Variants in FRMPD1 observed in about 807,000 individuals in gnomAD.
The protein encoded by FRMPD1 is FERM and PDZ domain containing 1.
In FRMPD1, 76 loss-of-function variants were observed where a neutral mutation model predicts 117.8. The ratio of observed to expected loss-of-function variants is 0.65; its 90% CI spans 0.54 to 0.78. The LOEUF is 0.78. FRMPD1 is among the 30% of genes least tolerant of loss of function. FRMPD1 has a pLI of 0.00. For synonymous variants in FRMPD1, 783 were observed against 770.4 expected (o/e 1.02, Z -0.27); for missense variants, 1,786 against 1,964.5 (o/e 0.91, Z 1.72).
the FRMPD1 span, among the ~76,000 whole-genome samples, chr9:37,611,738 T>C: frequency 1.3e-5 from 2 of 152,246 alleles, no homozygotes; most frequent in African/African-American, 4.8e-5. Context: ...GGTTTATATG[T>C]TTAAGATGCT....
At chr9:37,616,117 C>A in the FRMPD1 span, among the ~76,000 whole-genome samples, 8 of 96,766 alleles carry the variant, frequency 8.3e-5, no homozygotes, top group South Asian at 4.2e-4. Flanking sequence ...GTGCCCAGCC[C>A]TTTTTTTTTT....
intron 15 of FRMPD1, among the ~76,000 whole-genome samples, chr9:37,741,816 G>A (rs1180182664): frequency 8.5e-5 from 13 of 152,130 alleles, no homozygotes; most frequent in African/African-American, 3.1e-4. Flanking sequence ...TGCACATGCT[G>A]CTCTTTCTGA....
At position 37,729,694 on chromosome 9, in the gene FRMPD1, T is replaced by G. The variant is rs1190921739; in HGVS notation, c.613-34T>G. The G allele has an allele frequency of 2.5e-6, 4 of 1,609,714 alleles. No homozygotes were observed. In the African/African-American group the frequency reaches 5.3e-5, roughly 21 times the overall value. On this transcript the variant is annotated intron_variant, in intron 7 of 15. Coordinates refer to ENST00000377765, the MANE Select transcript of FRMPD1 (RefSeq NM_014907.3). Reference sequence around the variant, plus strand: ...AGGCCAGGGAAGTCCTTCCTGTTTCTTGCGTAACTCCTGCACCTCTCTGTG... The same window carrying G: ...AGGCCAGGGAAGTCCTTCCTGTTTCGTGCGTAACTCCTGCACCTCTCTGTG...
chr9:37,615,193 A>C, the FRMPD1 span, among the ~76,000 whole-genome samples: 1 of 151,748 alleles, frequency 6.6e-6, no homozygotes, highest in African/African-American at 2.4e-5. Context: ...GCTCTCTGCA[A>C]CCTCCACTTC....
chr9:37,720,044 G>T (rs1259161103), intron 6 of FRMPD1, among the ~76,000 whole-genome samples: 1 of 152,084 alleles, frequency 6.6e-6, no homozygotes, highest in African/African-American at 2.4e-5. Flanking sequence ...GGAGTCACAG[G>T]GGGTGGGGGC....
chr9:37,686,008 T>A (rs768501518), intron 1 of FRMPD1, among the ~76,000 whole-genome samples: 3 of 152,236 alleles, frequency 2.0e-5, no homozygotes, highest in Non-Finnish European at 4.4e-5. Flanking sequence ...TATTTAGTCT[T>A]CTCCATTTAC....
At chr9:37,622,265 T>C in the FRMPD1 span, among the ~76,000 whole-genome samples, 1 of 152,176 alleles carries the variant, frequency 6.6e-6, no homozygotes, top group African/African-American at 2.4e-5. Flanking sequence ...TGTTATAAAC[T>C]ATTAGGTGCT....
chr9:37,652,912 A>G (rs184850567), intron 1 of FRMPD1, among the ~76,000 whole-genome samples: 14 of 152,240 alleles, frequency 9.2e-5, no homozygotes, highest in Admixed American at 8.5e-4. Context: ...CCAAGTGGAG[A>G]TATTGGAGAA....
the FRMPD1 span, among the ~76,000 whole-genome samples, chr9:37,641,798 G>C: frequency 6.6e-6 from 1 of 152,216 alleles, no homozygotes; most frequent in African/African-American, 2.4e-5. Flanking sequence ...GTCCAGGCTA[G>C]TCTAGTGCCT....
chr9:37,629,818 AT>A, the FRMPD1 span, among the ~76,000 whole-genome samples: 1 of 152,196 alleles, frequency 6.6e-6, no homozygotes, highest in Admixed American at 6.5e-5. Flanking sequence ...TGAGGCATGC[AT>A]TAAGCAACTT....
intron 1 of FRMPD1, among the ~76,000 whole-genome samples, chr9:37,659,108 C>T (rs537833815): frequency 6.6e-6 from 1 of 152,274 alleles, no homozygotes; most frequent in African/African-American, 2.4e-5. Flanking sequence ...TTAAGCAGTC[C>T]TCCTGTCCCA....
chr9:37,608,933 C>A, the FRMPD1 span, among the ~76,000 whole-genome samples: 10 of 152,184 alleles, frequency 6.6e-5, no homozygotes, highest in Non-Finnish European at 1.0e-4. Flanking sequence ...TACAGTCCAA[C>A]CGTGCTCCTG....
the FRMPD1 span, among the ~76,000 whole-genome samples, chr9:37,640,648 G>A: frequency 6.6e-6 from 1 of 150,796 alleles, no homozygotes; most frequent in Non-Finnish European, 1.5e-5. Context: ...TTTAAGACAG[G>A]AAGGCTGTGA....
intron 2 of FRMPD1, among the ~76,000 whole-genome samples, chr9:37,705,154 A>G (rs1822658832): frequency 6.6e-6 from 1 of 151,932 alleles, no homozygotes; most frequent in Non-Finnish European, 1.5e-5. Flanking sequence ...ATCTTCTGGC[A>G]CTAAAAATTT....
chr9:37,720,723 C>T (rs1298277526), intron 6 of FRMPD1, among the ~76,000 whole-genome samples: 1 of 150,906 alleles, frequency 6.6e-6, no homozygotes, highest in East Asian at 2.0e-4. Context: ...CACATCTCTA[C>T]TAAAAATACA....
At chr9:37,655,496 CTTTTTTT>C (rs10615941) in intron 1 of FRMPD1, among the ~76,000 whole-genome samples, 3,490 of 88,546 alleles carry the variant, frequency 0.039, 197 homozygotes, top group African/African-American at 0.16. Context: ...TGTCCCCACT[CTTTTTTT>C]TTTTTTTTTT....
chr9:37,705,735 T>A (rs1822679228), intron 2 of FRMPD1, among the ~76,000 whole-genome samples: 1 of 152,066 alleles, frequency 6.6e-6, no homozygotes. Flanking sequence ...CCCAGCACTT[T>A]GGGTGGCTGA....
chr9:37,715,322 C>T (rs968103747), intron 5 of FRMPD1, among the ~76,000 whole-genome samples: 2 of 152,216 alleles, frequency 1.3e-5, no homozygotes, highest in South Asian at 2.1e-4. Context: ...CATGGTCTCA[C>T]ATGCAGAAAT....
rs753191032 is a variant in FRMPD1, at chr9:37,740,622, G to C, written c.2094G>C (p.Leu698=). 13 of 1,614,088 alleles carry C rather than the reference G, an allele frequency of 8.1e-6. No homozygotes were observed. The Admixed American group carries it at 1.2e-4, about 14-fold the overall frequency. ...ELSTVRLDPR[L]YEGSHADYYS... is the part of the protein sequence containing the mutation. ...GCACAGTCAGGCTGGACCCCAGGCTGTATGAAGGCAGCCACGCTGACTACT... is the reference window on the plus strand; with the variant it reads ...GCACAGTCAGGCTGGACCCCAGGCTCTATGAAGGCAGCCACGCTGACTACT... Residue 698 remains leucine, a synonymous_variant, in exon 15 of 16, where the codon CTG becomes CTC. Coordinates refer to ENST00000377765, the MANE Select transcript of FRMPD1 (RefSeq NM_014907.3). This position sits in a 1 kb window ranked among gnomAD's most constrained non-coding sequence, Gnocchi z 4.2.
Sources: allele counts gnomAD v4.1 joint callset (sites outside exome capture counted in the v4.1 genomes callset), GRCh38; gene constraint gnomAD v4.1.1; non-coding constraint Gnocchi (gnomAD v3.1); transcripts MANE v1.5; gene names NCBI Gene and HGNC (gene_info 2026-07-23, HGNC 2026-07-21).